The following GALNT17 variants were observed in gnomAD, a reference collection of about 807,000 sequenced individuals.
GALNT17 encodes the protein polypeptide N-acetylgalactosaminyltransferase 17.
In GALNT17, 29 loss-of-function variants were observed where a neutral mutation model predicts 63.7. The ratio of observed to expected loss-of-function variants is 0.46; its 90% CI spans 0.34 to 0.62. GALNT17 has a LOEUF of 0.62. Among genes scored for constraint, GALNT17 ranks in the 20% least tolerant of loss-of-function variants. The pLI is 0.01. For missense variants in GALNT17, 603 were observed against 799.6 expected (o/e 0.75, Z 2.97); for synonymous variants, 305 against 318.3 (o/e 0.96, Z 0.45).
intron 3 of GALNT17, among the ~76,000 whole-genome samples, chr7:71,392,124 C>A (rs1793062778): frequency 6.6e-6 from 1 of 152,162 alleles, no homozygotes. Context: ...GACAAATATT[C>A]AAACCATATA....
At chr7:71,188,865 T>A (rs1788899587) in intron 1 of GALNT17, among the ~76,000 whole-genome samples, 1 of 152,174 alleles carries the variant, frequency 6.6e-6, no homozygotes, top group African/African-American at 2.4e-5. Context: ...TCACAAAAAA[T>A]AGAGTCGGGG....
At chr7:71,213,768 A>G (rs1469574026) in intron 1 of GALNT17, among the ~76,000 whole-genome samples, 2 of 152,114 alleles carry the variant, frequency 1.3e-5, no homozygotes, top group Non-Finnish European at 2.9e-5. Context: ...CATTTTAATC[A>G]TTCTTTTGAC....
rs543229486 is a variant in GALNT17, at chr7:71,676,969, G to A, written c.1405-242G>A. Among the ~76,000 whole-genome samples the A allele has an allele frequency of 2.0e-5, 3 of 152,292 alleles. No individual in the cohort carries two copies. In the South Asian group the frequency reaches 6.2e-4, roughly 32 times the overall value. On this transcript the variant is annotated intron_variant, in intron 8 of 10. Transcript: ENST00000333538. ...TTCATGTTAGGAATGGAGGTGCTGTGAGGGTGGGGGGGCAAGCTGCCCAGG... is the reference window on the plus strand; with the variant it reads ...TTCATGTTAGGAATGGAGGTGCTGTAAGGGTGGGGGGGCAAGCTGCCCAGG...
rs1472960010 is a variant in GALNT17 at position 71,377,871 on chromosome 7, C to T, written c.423-10364C>T. On this transcript the variant is annotated intron_variant, in intron 2 of 10. Transcript: ENST00000333538. ...CGCCTTGTGAAGAAGGTGCTTGCTT[C>T]CCTGTTGCTTTCTGCTATGATTGTA... Among the ~76,000 whole-genome samples the T allele has an allele frequency of 4.6e-5, 7 of 152,182 alleles. No individual in the cohort carries two copies. In the East Asian group the frequency reaches 1.2e-3, roughly 25 times the overall value.
intron 5 of GALNT17, among the ~76,000 whole-genome samples, chr7:71,545,381 C>T (rs1489532840): frequency 6.6e-6 from 1 of 152,126 alleles, no homozygotes; most frequent in Non-Finnish European, 1.5e-5. Flanking sequence ...TTGACAAAGT[C>T]TTGCTCTGTC....
At chr7:71,381,774 G>A (rs1479996720) in intron 2 of GALNT17, among the ~76,000 whole-genome samples, 6 of 152,164 alleles carry the variant, frequency 3.9e-5, no homozygotes, top group Middle Eastern at 3.4e-3. Context: ...GCAAGACTCC[G>A]TCTCAGAAAA....
chr7:71,341,881 C>G (rs1792011876), intron 2 of GALNT17, among the ~76,000 whole-genome samples: 1 of 152,098 alleles, frequency 6.6e-6, no homozygotes, highest in Admixed American at 6.5e-5. Context: ...TGTAGCAGAC[C>G]AAGAGATCAA....
intron 5 of GALNT17, among the ~76,000 whole-genome samples, chr7:71,463,102 T>C (rs888546418): frequency 2.0e-5 from 3 of 152,052 alleles, no homozygotes; most frequent in South Asian, 2.1e-4. Context: ...AGATTGTTGA[T>C]TGGTGGAAGA....
At chr7:71,432,337 G>A (rs1786882196) in intron 5 of GALNT17, among the ~76,000 whole-genome samples, 1 of 152,184 alleles carries the variant, frequency 6.6e-6, no homozygotes, top group Admixed American at 6.6e-5. Context: ...GCTCACCTGA[G>A]CCTTGGCATC....
chr7:71,338,321 C>T (rs569223436), intron 2 of GALNT17, among the ~76,000 whole-genome samples: 6 of 149,132 alleles, frequency 4.0e-5, no homozygotes, highest in African/African-American at 1.2e-4. Flanking sequence ...AGCGAGACTC[C>T]GTCTCAAAAA....
At chr7:71,696,409 A>G (rs2117104298) in intron 9 of GALNT17, among the ~76,000 whole-genome samples, 1 of 152,234 alleles carries the variant, frequency 6.6e-6, no homozygotes, top group Non-Finnish European at 1.5e-5. Context: ...CCCTGTGCCC[A>G]GCCAAGAAAC....
intron 6 of GALNT17, among the ~76,000 whole-genome samples, chr7:71,594,533 G>A (rs189711139): frequency 3.3e-5 from 5 of 152,112 alleles, no homozygotes; most frequent in East Asian, 1.9e-4. Context: ...CAAGTGATCC[G>A]CCCACCTCAG....
chr7:71,291,422 A>T (rs1247911676), intron 1 of GALNT17, among the ~76,000 whole-genome samples: 3 of 152,170 alleles, frequency 2.0e-5, no homozygotes, highest in African/African-American at 7.2e-5. Context: ...TGGGGTTGTG[A>T]TTAGAATCCA....
At chr7:71,341,677 T>C (rs79231801) in intron 2 of GALNT17, among the ~76,000 whole-genome samples, 2,962 of 152,250 alleles carry the variant, frequency 0.019, 79 homozygotes, top group African/African-American at 0.068. Context: ...CTCTTAACAG[T>C]CATCTATAGA....
At chr7:71,523,747 AT>A (rs1317956217) in intron 5 of GALNT17, among the ~76,000 whole-genome samples, 32 of 84,116 alleles carry the variant, frequency 3.8e-4, no homozygotes, top group African/African-American at 1.7e-3. Context: ...GTCTCAAAAA[AT>A]AAATAAATAA....
intron 6 of GALNT17, among the ~76,000 whole-genome samples, chr7:71,609,566 A>G (rs1790095112): frequency 6.6e-6 from 1 of 152,192 alleles, no homozygotes; most frequent in South Asian, 2.1e-4. Context: ...GGTACATAGT[A>G]GGTGTATATA....
At chr7:71,143,787 C>G (rs1396399635) in intron 1 of GALNT17, among the ~76,000 whole-genome samples, 1 of 151,904 alleles carries the variant, frequency 6.6e-6, no homozygotes, top group African/African-American at 2.4e-5. Context: ...CGCCTGTAAT[C>G]CCAACACTTC....
At position 71,132,578 on chromosome 7, in the gene GALNT17, C is replaced by T. The variant is rs1262577096; in HGVS notation, c.-225C>T. ...GACTGAGCAGGCGTCTCGGGGAGCA[C>T]TTCTGCAGAGCGAGGACTTCCATGT... On this transcript the variant is annotated 5_prime_UTR_variant, in exon 1 of 11. Coordinates refer to ENST00000333538, the MANE Select transcript of GALNT17 (RefSeq NM_022479.3). The T allele has an allele frequency of 5.5e-6, 3 of 549,458 alleles. No homozygotes were observed. Among genetic ancestry groups the T allele is most frequent in the East Asian group, 3.2e-5 (1 of 31,448 alleles). The allele number at this position is 549,458 out of a possible 1,614,324, so 34.0% of individuals were successfully genotyped here.
chr7:71,305,029 A>G (rs925310181), intron 1 of GALNT17, among the ~76,000 whole-genome samples: 23 of 152,182 alleles, frequency 1.5e-4, no homozygotes, highest in African/African-American at 5.1e-4. Context: ...CACAAGTCCA[A>G]TATTTTACCT....
Sources: allele counts gnomAD v4.1 joint callset (sites outside exome capture counted in the v4.1 genomes callset), GRCh38; gene constraint gnomAD v4.1.1; transcripts MANE v1.5; gene names NCBI Gene and HGNC (gene_info 2026-07-23, HGNC 2026-07-21).